Variants in CHRNA9 observed in about 807,000 individuals in gnomAD.
CHRNA9 encodes cholinergic receptor nicotinic alpha 9 subunit.
In CHRNA9, 24 loss-of-function variants were observed where a neutral mutation model predicts 36.8. The ratio of observed to expected loss-of-function variants is 0.65; its 90% CI spans 0.47 to 0.92. The LOEUF (loss-of-function observed/expected upper bound fraction) is 0.92, where lower values mean the gene tolerates loss of function less well. Ranked by LOEUF, CHRNA9 falls within the 40% of genes least tolerant of loss-of-function variation. The probability of loss-of-function intolerance (pLI) is 0.00; values close to 1 mark genes in which losing one functional copy is unlikely to be tolerated. For missense variants in CHRNA9, 610 were observed against 601.2 expected (o/e 1.01, Z -0.15); for synonymous variants, 231 against 231.8 (o/e 1.00, Z 0.03).
In CHRNA9 at chr4:40,349,180, G is replaced by C; in HGVS notation, c.664G>C (p.Glu222Gln). 1 of 1,614,154 alleles carries C rather than the reference G, an allele frequency of 6.2e-7. No homozygotes were observed. Among genetic ancestry groups the C allele is most frequent in the Non-Finnish European group, 8.5e-7 (1 of 1,180,018 alleles). The part of the protein sequence containing the change: ...KNVISYGCCS[E>Q]PYPDVTFTLL... ...TGTGATCTCCTATGGCTGCTGCTCT[G>C]AGCCTTACCCGGATGTCACATTCAC... Residue 222 changes from glutamate to glutamine, a missense_variant, in exon 4 of 5, where the codon GAG becomes CAG. Glu to Gln is a conservative substitution (Grantham distance 29). Coordinates refer to ENST00000310169, the MANE Select transcript of CHRNA9 (RefSeq NM_017581.4).
Position 40,354,424 on chromosome 4 carries a change from G to A in CHRNA9, c.1344G>A (p.Trp448Ter). The A allele has an allele frequency of 1.9e-6, 3 of 1,614,148 alleles. No individual in the cohort carries two copies. Among genetic ancestry groups the A allele is most frequent in the Non-Finnish European group, 2.5e-6 (3 of 1,179,976 alleles). Residue 448 changes from tryptophan (W) to a stop codon, truncating the protein, a stop_gained, in exon 5 of 5, where the codon TGG becomes TGA. Transcript: ENST00000310169. LOFTEE classifies it high-confidence loss of function. ...CCACCAATTCCAAGGGGAGTGAATG[G>A]AAGAAGGTGGCGAAAGTCATAGACC... ...HKATNSKGSEWKKVAKVIDRF... is the reference protein window; with the variant it reads ...HKATNSKGSE
chr4:40,348,441 C>A (rs1426290797), intron 3 of CHRNA9, among the ~76,000 whole-genome samples: 2 of 152,310 alleles, frequency 1.3e-5, no homozygotes, highest in African/African-American at 4.8e-5. Context: ...TAAACATGTA[C>A]AACTTTTATA....
At position 40,339,821 on chromosome 4, in the gene CHRNA9, C is replaced by G. The variant is rs1202585966; in HGVS notation, c.365+2457C>G. On this transcript the variant is annotated intron_variant, in intron 3 of 4. Coordinates refer to ENST00000310169, the MANE Select transcript of CHRNA9 (RefSeq NM_017581.4). ...GGGACTACAGGTGCATGCCACCATG[C>G]CTAGTTATTGTTTTTTTTAATTTTT... is the stretch of plus-strand genomic sequence containing the variant. Among the ~76,000 whole-genome samples the G allele has an allele frequency of 2.7e-5, 4 of 148,538 alleles. No homozygotes were observed. In the East Asian group the frequency reaches 7.9e-4, roughly 29 times the overall value.
At chr4:40,348,597 T>C (rs892164754) in intron 3 of CHRNA9, among the ~76,000 whole-genome samples, 2 of 152,110 alleles carry the variant, frequency 1.3e-5, no homozygotes, top group Non-Finnish European at 2.9e-5. Context: ...CGTGTTCAAA[T>C]CATTACACCT....
chr4:40,347,818 C>T (rs1449229412), intron 3 of CHRNA9: 1 of 152,102 alleles, frequency 6.6e-6, no homozygotes, highest in East Asian at 1.9e-4. Context: ...TTATATTTAG[C>T]CAAAATATAC....
At chr4:40,340,925 G>A (rs2109680106) in intron 3 of CHRNA9, among the ~76,000 whole-genome samples, 1 of 107,184 alleles carries the variant, frequency 9.3e-6, no homozygotes, top group Admixed American at 1.3e-4. Flanking sequence ...CGTTCCAGAA[G>A]ACAAAACCCG....
rs771307397 is a variant in CHRNA9, at chr4:40,354,193, G to T, written c.1113G>T (p.Thr371=). 6.2e-7 allele frequency: 1 copy of T among 1,614,164 alleles called. No individual in the cohort carries two copies. Among genetic ancestry groups the T allele is most frequent in the Non-Finnish European group, 8.5e-7 (1 of 1,180,034 alleles). ...ACAGTAGAGAGCGGGACCACCTCAC[G>T]AAAGTTTATAGCAAACTCCCAGAGT... is the stretch of plus-strand genomic sequence containing the variant. ...PHHSRERDHL[T]KVYSKLPESN... The change falls in exon 5 of 5, where the codon ACG becomes ACT. Residue 371 remains threonine, a synonymous_variant. Coordinates refer to ENST00000310169, the MANE Select transcript of CHRNA9 (RefSeq NM_017581.4).
chr4:40,338,891 T>TCA (rs33947686), intron 3 of CHRNA9, among the ~76,000 whole-genome samples: 9,882 of 117,402 alleles, frequency 0.084, 1,011 homozygotes, highest in African/African-American at 0.25. Flanking sequence ...CCTCTCTCTC[T>TCA]CACACACACA....
rs1294103920 is a variant in CHRNA9 at position 40,337,192 on chromosome 4, T to A, written c.211-18T>A. The A allele has an allele frequency of 6.2e-7, 1 of 1,612,494 alleles. No homozygotes were observed. The highest frequency in any genetic ancestry group is 2.2e-5 in the East Asian group (1 of 44,820). On this transcript the variant is annotated intron_variant, in intron 2 of 4. Transcript: ENST00000310169. ...CAAGTGTCTGCTAGGTAAAGCGACA[T>A]CTGGATTCATTGTGTAGGATGAAAG...
chr4:40,342,437 C>T (rs1355605354), intron 3 of CHRNA9, among the ~76,000 whole-genome samples: 1 of 152,084 alleles, frequency 6.6e-6, no homozygotes, highest in East Asian at 1.9e-4. Context: ...AAGAAAATGG[C>T]TGAGAATAAA....
chr4:40,354,782 G>T lies in CHRNA9; in HGVS notation c.*262G>T. On this transcript the variant is annotated 3_prime_UTR_variant, in exon 5 of 5. Transcript: ENST00000310169. The stretch of plus-strand genomic sequence containing the variant: ...CGTAGTGGTGGGTGACTGGCCTCTA[G>T]TTTATATAATTATTTACCTCTTTGG... 1 of 338,360 alleles carries T rather than the reference G, an allele frequency of 3.0e-6. No homozygotes were observed. Among genetic ancestry groups the T allele is most frequent in the Non-Finnish European group, 5.4e-6 (1 of 185,980 alleles). 21.0% of individuals were successfully genotyped at this position (338,360 alleles called of 1,614,324 possible). A position where few individuals can be genotyped will look rare whatever the true frequency, so the allele number is the denominator to read the frequency against.
At chr4:40,338,021 G>C (rs1712376742) in intron 3 of CHRNA9, 1 of 151,992 alleles carries the variant, frequency 6.6e-6, no homozygotes, top group Admixed American at 6.5e-5. Context: ...TGAGTGTTGG[G>C]GGCTAAGACT....
At position 40,354,968 on chromosome 4, in the gene CHRNA9, C is replaced by G. The variant is rs980839784; in HGVS notation, c.*448C>G. 6.4e-6 allele frequency: 1 copy of G among 156,454 alleles called. No homozygotes were observed. Among genetic ancestry groups the G allele is most frequent in the African/African-American group, 2.4e-5 (1 of 41,450 alleles). The allele number at this position is 156,454 out of a possible 1,614,324, so 9.7% of individuals were successfully genotyped here. On this transcript the variant is annotated 3_prime_UTR_variant, in exon 5 of 5. Transcript: ENST00000310169. ...ATTTAAGTCTCAATGGTACCTTATT[C>G]AGGCATAGTGCATTTGAAGTCATAT...
Position 40,349,042 on chromosome 4 carries a change from T to C in CHRNA9, c.526T>C (p.Trp176Arg), listed in dbSNP as rs1242449229. The change falls in exon 4 of 5, where the codon TGG (tryptophan) becomes CGG (arginine). Residue 176 changes from tryptophan to arginine, a missense_variant. Transcript: ENST00000310169. The part of the protein sequence containing the change: ...NQQCNLTFGS[W>R]TYNGNQVDIF... ...GCAGTGCAACCTGACTTTTGGTTCC[T>C]GGACCTACAATGGCAATCAGGTGGA... 2 of 1,614,072 alleles carry C rather than the reference T, an allele frequency of 1.2e-6. No individual in the cohort carries two copies. Among genetic ancestry groups the C allele is most frequent in the African/African-American group, 2.7e-5 (2 of 74,934 alleles).
At chr4:40,352,265 A>C (rs1431763571) in intron 4 of CHRNA9, among the ~76,000 whole-genome samples, 1 of 152,246 alleles carries the variant, frequency 6.6e-6, no homozygotes, top group Non-Finnish European at 1.5e-5. Context: ...TCTGTTGCCC[A>C]GACTGGAGTG....
intron 3 of CHRNA9, among the ~76,000 whole-genome samples, chr4:40,346,992 TA>T (rs1437300177): frequency 2.0e-5 from 3 of 152,008 alleles, no homozygotes; most frequent in African/African-American, 7.3e-5. Flanking sequence ...TGTATTTTTT[TA>T]GTAGAGATGG....
intron 4 of CHRNA9, among the ~76,000 whole-genome samples, chr4:40,353,732 A>G (rs1560319380): frequency 6.6e-6 from 1 of 152,224 alleles, no homozygotes. Context: ...TGCCTGCGGT[A>G]TTCAATACAG....
At chr4:40,350,722 A>ACACACACACACACACACC (rs1215274776) in intron 4 of CHRNA9, among the ~76,000 whole-genome samples, 1 of 151,362 alleles carries the variant, frequency 6.6e-6, no homozygotes, top group African/African-American at 2.4e-5. Flanking sequence ...ACACACACAC[A>ACACACACACACACACACC]CACACCTCTC....
At chr4:40,335,657 C>A in intron 1 of CHRNA9, 126 bp downstream of exon 1, 1 of 1,000,282 alleles carries the variant, frequency 1.0e-6, no homozygotes, top group Non-Finnish European at 1.6e-6. Context: ...GTGCTTCCTA[C>A]TGACTCTGAT....
Sources: allele counts gnomAD v4.1 joint callset (sites outside exome capture counted in the v4.1 genomes callset), GRCh38; gene constraint gnomAD v4.1.1; transcripts MANE v1.5; gene names NCBI Gene and HGNC (gene_info 2026-07-23, HGNC 2026-07-21).